The following RBM6 variants were observed in gnomAD, a reference collection of about 807,000 sequenced individuals.
RBM6 encodes RNA-binding protein 6.
Under a neutral mutation model 140.4 loss-of-function variants are expected in RBM6, and 23 were observed. The ratio of observed to expected loss-of-function variants is 0.16; its 90% CI spans 0.12 to 0.23. The LOEUF (loss-of-function observed/expected upper bound fraction) is 0.23, where lower values mean the gene tolerates loss of function less well. Ranked by LOEUF, RBM6 falls within the 10% of genes least tolerant of loss-of-function variation. The probability of loss-of-function intolerance (pLI) is 1.00; values close to 1 mark genes in which losing one functional copy is unlikely to be tolerated. For synonymous variants in RBM6, 439 were observed against 475.6 expected (o/e 0.92, Z 1.00); for missense variants, 1,139 against 1,386.7 (o/e 0.82, Z 2.84).
At chr3:50,018,920 TCAAA>T (rs1368273106) in intron 6 of RBM6, among the ~76,000 whole-genome samples, 3 of 152,156 alleles carry the variant, frequency 2.0e-5, no homozygotes, top group African/African-American at 7.2e-5. Flanking sequence ...TAAGAAACTG[TCAAA>T]CAGTTTTTCC....
intron 6 of RBM6, among the ~76,000 whole-genome samples, chr3:50,021,268 T>C (rs1021260597): frequency 6.6e-6 from 1 of 152,212 alleles, no homozygotes; most frequent in Admixed American, 6.5e-5. Context: ...TGTATCTATC[T>C]GTAGGATAGG....
intron 3 of RBM6, among the ~76,000 whole-genome samples, chr3:49,970,373 C>A (rs2084734986): frequency 6.6e-6 from 1 of 152,160 alleles, no homozygotes; most frequent in Non-Finnish European, 1.5e-5. Flanking sequence ...AGCCACTGCC[C>A]CTACCCTTTT....
At chr3:50,058,044 A>G in intron 9 of RBM6, 41 bp downstream of exon 9, 1 of 1,593,174 alleles carries the variant, frequency 6.3e-7, no homozygotes, top group South Asian at 1.1e-5. Flanking sequence ...TGTGATCATC[A>G]CAATGGAGCA....
intron 15 of RBM6, among the ~76,000 whole-genome samples, chr3:50,063,043 G>C (rs553960101): frequency 2.0e-5 from 3 of 151,876 alleles, no homozygotes; most frequent in Admixed American, 6.6e-5. Context: ...ACAGGCATGA[G>C]CCACCATGAC....
intron 1 of RBM6, among the ~76,000 whole-genome samples, chr3:49,958,821 C>G (rs1236930056): frequency 2.3e-5 from 3 of 131,320 alleles, no homozygotes; most frequent in Non-Finnish European, 4.7e-5. Context: ...GAGTCTCACT[C>G]TGTTGCCCTG....
intron 5 of RBM6, among the ~76,000 whole-genome samples, chr3:49,979,053 T>C (rs960430662): frequency 5.9e-5 from 9 of 152,174 alleles, no homozygotes; most frequent in African/African-American, 2.2e-4. Flanking sequence ...AATGGCAATA[T>C]GCTGAGTGAA....
Position 49,967,991 on chromosome 3 carries a change from A to G in RBM6, c.566A>G (p.Asp189Gly). 1 of 1,614,160 alleles carries G rather than the reference A, an allele frequency of 6.2e-7. No homozygotes were observed. The highest frequency in any genetic ancestry group is 8.5e-7 in the Non-Finnish European group (1 of 1,180,024). ...GTYDLDFRGR[D>G]GSHADFRGRD... ...TATGATTTAGATTTTAGAGGCCGGG[A>G]TGGATCCCATGCAGATTTTAGGGGA... Residue 189 changes from aspartate (D) to glycine (G), a missense_variant, in exon 3 of 21, where the codon GAT (aspartate) becomes GGT (glycine). Asp to Gly is a moderately conservative substitution (Grantham distance 94). Transcript: ENST00000266022. This position sits in a 1 kb window ranked among gnomAD's most constrained non-coding sequence, Gnocchi z 4.0.
At chr3:49,985,209 T>C (rs927416294) in intron 5 of RBM6, among the ~76,000 whole-genome samples, 1 of 152,216 alleles carries the variant, frequency 6.6e-6, no homozygotes, top group Non-Finnish European at 1.5e-5. Context: ...ATTACTCAGC[T>C]TGTATAGTGC....
At chr3:50,010,900 CAAAA>C (rs776065398) in intron 6 of RBM6, among the ~76,000 whole-genome samples, 2 of 52,236 alleles carry the variant, frequency 3.8e-5, no homozygotes, top group East Asian at 6.7e-4. Context: ...AAGACTGTCT[CAAAA>C]AAAAAAAAAA....
chr3:50,032,310 A>G (rs1297871212), intron 6 of RBM6, among the ~76,000 whole-genome samples: 2 of 151,258 alleles, frequency 1.3e-5, no homozygotes, highest in Admixed American at 1.3e-4. Flanking sequence ...GTGAAACCCC[A>G]TCTCTACTAA....
intron 6 of RBM6, chr3:50,047,112 T>C (rs777411787): frequency 1.0e-6 from 1 of 958,168 alleles, no homozygotes; most frequent in Non-Finnish European, 1.2e-6. Flanking sequence ...GACAAGACAA[T>C]AATTTTATCC....
At chr3:49,945,344 A>AT (rs1318195090) in intron 1 of RBM6, among the ~76,000 whole-genome samples, 1 of 151,722 alleles carries the variant, frequency 6.6e-6, no homozygotes, top group Non-Finnish European at 1.5e-5. Context: ...TGCCTAACTA[A>AT]TTTTTTTATT....
Position 49,947,108 on chromosome 3 carries a change from C to T in RBM6, c.-67+6883C>T, listed in dbSNP as rs569144754. 2.9e-4 allele frequency among the ~76,000 whole-genome samples: 43 copies of T among 147,124 alleles called. No individual in the cohort carries two copies. The East Asian group carries it at 7.2e-3, about 25-fold the overall frequency. On this transcript the variant is annotated intron_variant, in intron 1 of 20. Coordinates refer to ENST00000266022, the MANE Select transcript of RBM6 (RefSeq NM_005777.3). ...AAAAAAAAAAAAAAAAAAAATTAGC[C>T]GGGCGCAGTGGCAGGCGCCTGTAGT...
intron 5 of RBM6, among the ~76,000 whole-genome samples, chr3:49,977,692 C>T (rs2085119315): frequency 6.6e-6 from 1 of 152,168 alleles, no homozygotes; most frequent in Non-Finnish European, 1.5e-5. Context: ...GCTGTGATTT[C>T]CCCTCAGGTG....
chr3:50,064,958 C>T (rs2090067051), intron 15 of RBM6, 73 bp from the exon 16 acceptor site: 2 of 1,305,988 alleles, frequency 1.5e-6, no homozygotes, highest in South Asian at 1.2e-5. Context: ...AGGCGTGAGC[C>T]ACCGCACCCA....
At chr3:50,047,138 A>C (rs193260258) in intron 6 of RBM6, 5 of 981,708 alleles carry the variant, frequency 5.1e-6, no homozygotes, top group Non-Finnish European at 2.4e-6. Context: ...ATTTCTCTTG[A>C]CTTTTTTGAT....
At chr3:50,024,040 G>A (rs972633676) in intron 6 of RBM6, among the ~76,000 whole-genome samples, 1 of 152,142 alleles carries the variant, frequency 6.6e-6, no homozygotes, top group Admixed American at 6.6e-5. Flanking sequence ...AAGGGTACTT[G>A]TGGCTTAAGA....
chr3:49,967,581 A>G lies in RBM6; in HGVS notation c.156A>G (p.Ser52=). The change falls in exon 3 of 21, where the codon TCA becomes TCG. Residue 52 remains serine, a synonymous_variant. Coordinates refer to ENST00000266022, the MANE Select transcript of RBM6 (RefSeq NM_005777.3). The surrounding 1 kb of genome is among the most constrained non-coding windows in gnomAD (Gnocchi z 4.0). ...RHSGNFPGRD[S]LPFDFQGHSG... ...CTGGCAACTTTCCTGGCAGAGATTC[A>G]CTTCCCTTTGATTTCCAGGGGCATT... The G allele has an allele frequency of 6.2e-7, 1 of 1,614,146 alleles. No homozygotes were observed. The highest frequency in any genetic ancestry group is 2.2e-5 in the East Asian group (1 of 44,888).
In RBM6 at chr3:50,058,525, G is replaced by T. The variant is rs759210623; in HGVS notation, c.2093G>T (p.Gly698Val). The part of the protein sequence containing the change: ...RIIKNRTGPM[G>V]HTYGFIDLDS... ...ATCAAGAACAGAACAGGCCCTATGG[G>T]GCATACCTATGGCTTTATTGACCTC... Residue 698 changes from glycine (G) to valine (V), a missense_variant, in exon 10 of 21, where the codon GGG becomes GTG. By Grantham distance (109) the Gly-to-Val change is moderately radical. Transcript: ENST00000266022. 1 of 1,611,342 alleles carries T rather than the reference G, an allele frequency of 6.2e-7. No homozygotes were observed.
Sources: gnomAD v4.1 joint callset for allele counts (sites outside exome capture counted in the v4.1 genomes callset) on GRCh38, gnomAD v4.1.1 for gene constraint, Gnocchi (gnomAD v3.1) non-coding constraint, MANE v1.5 for transcripts, NCBI Gene and HGNC (gene_info 2026-07-23, HGNC 2026-07-21) for gene names.